Variants in TCERG1L observed in about 807,000 individuals in gnomAD.
The protein encoded by TCERG1L is transcription elongation regulator 1 like, also known as transcription elongation regulator 1-like protein.
Under a neutral mutation model 56.3 loss-of-function variants are expected in TCERG1L, and 37 were observed. The observed-to-expected ratio is 0.66, with a 90% CI of 0.51 to 0.87. The LOEUF (loss-of-function observed/expected upper bound fraction) is 0.87. Ranked by LOEUF, TCERG1L falls within the 40% of genes least tolerant of loss-of-function variation. The pLI is 0.00. For missense variants in TCERG1L, 799 were observed against 774.2 expected (o/e 1.03, Z -0.38); for synonymous variants, 324 against 326.3 (o/e 0.99, Z 0.08).
In TCERG1L at chr10:131,218,861, G is replaced by A. The variant is rs548303681; in HGVS notation, c.856+41398C>T. Among the ~76,000 whole-genome samples the A allele has an allele frequency of 2.8e-3, 426 of 152,210 alleles. 1 individual carries two copies. Among genetic ancestry groups the A allele is most frequent in the Non-Finnish European group, 5.0e-3 (337 of 68,004 alleles). On this transcript the variant is annotated intron_variant, in intron 4 of 11. Transcript: ENST00000368642. ...GGGGCCGTGGTCATGTGGCCTCTGC[G>A]GAGGCCAGCCGTGCCCTGCTGTGAC...
intron 4 of TCERG1L, among the ~76,000 whole-genome samples, chr10:131,210,399 T>C (rs1845603988): frequency 6.6e-6 from 1 of 152,230 alleles, no homozygotes; most frequent in Non-Finnish European, 1.5e-5. Context: ...GCCTCACTTT[T>C]GTCCCTGCTG....
At chr10:131,249,348 T>C (rs1166538140) in intron 4 of TCERG1L, among the ~76,000 whole-genome samples, 1 of 151,846 alleles carries the variant, frequency 6.6e-6, no homozygotes, top group African/African-American at 2.4e-5. Flanking sequence ...GGGGCTTCCA[T>C]GGCCCTGGCA....
At chr10:131,175,749 G>A (rs554750705) in intron 4 of TCERG1L, among the ~76,000 whole-genome samples, 5 of 152,288 alleles carry the variant, frequency 3.3e-5, no homozygotes, top group African/African-American at 1.2e-4. Context: ...GGTACATAGT[G>A]AGCCAAGTAG....
At position 131,285,978 on chromosome 10, in the gene TCERG1L, G is replaced by A. The variant is rs1000570850; in HGVS notation, c.670+22233C>T. ...TGCTCCAAAACAGGACCAGCATGGG[G>A]TACCAGCCATCACTACCACATCACA... On this transcript the variant is annotated intron_variant, in intron 3 of 11. Coordinates refer to ENST00000368642, the MANE Select transcript of TCERG1L (RefSeq NM_174937.4). Among the ~76,000 whole-genome samples the A allele has an allele frequency of 3.3e-5, 5 of 152,146 alleles. No individual in the cohort carries two copies. The East Asian group carries it at 5.8e-4, about 18-fold the overall frequency.
chr10:131,176,485 C>T (rs1331137308), intron 4 of TCERG1L, among the ~76,000 whole-genome samples: 3 of 151,102 alleles, frequency 2.0e-5, no homozygotes, highest in African/African-American at 4.9e-5. Flanking sequence ...GACACGTGTA[C>T]ACACACCAAG....
At chr10:131,098,792 C>G (rs1353293307) in intron 10 of TCERG1L, among the ~76,000 whole-genome samples, 1 of 152,210 alleles carries the variant, frequency 6.6e-6, no homozygotes, top group Non-Finnish European at 1.5e-5. Context: ...TCACTGTGCC[C>G]TCTGAGCAGC....
intron 4 of TCERG1L, among the ~76,000 whole-genome samples, chr10:131,179,103 A>C (rs1845142820): frequency 6.6e-6 from 1 of 152,154 alleles, no homozygotes; most frequent in Non-Finnish European, 1.5e-5. Context: ...TTCTGTGAAC[A>C]CACCTGCCCG....
intron 4 of TCERG1L, among the ~76,000 whole-genome samples, chr10:131,220,199 TGGCTCTCGG>T (rs1845715080): frequency 1.3e-5 from 2 of 152,144 alleles, no homozygotes; most frequent in Admixed American, 6.5e-5. Flanking sequence ...CAACATCCCC[TGGCTCTCGG>T]GCCTATTGCC....
intron 4 of TCERG1L, among the ~76,000 whole-genome samples, chr10:131,168,643 G>T (rs895778085): frequency 2.6e-5 from 4 of 152,190 alleles, no homozygotes; most frequent in Non-Finnish European, 5.9e-5. Context: ...GTGGAGGAAT[G>T]CCCAGCCTGT....
chr10:131,135,453 A>G (rs1034850041), intron 7 of TCERG1L, among the ~76,000 whole-genome samples: 1 of 152,098 alleles, frequency 6.6e-6, no homozygotes, highest in African/African-American at 2.4e-5. Flanking sequence ...GCCTCTGCAC[A>G]TTTTCTTTCT....
intron 11 of TCERG1L, 113 bp from the exon 12 acceptor site, chr10:131,093,431 C>G (rs546313396): frequency 1.5e-6 from 2 of 1,333,754 alleles, no homozygotes; most frequent in Non-Finnish European, 2.1e-6. Flanking sequence ...CAGGCCTGGC[C>G]GTGGGTGGCA....
At chr10:131,121,658 C>T (rs1845514412) in intron 8 of TCERG1L, among the ~76,000 whole-genome samples, 4 of 152,248 alleles carry the variant, frequency 2.6e-5, no homozygotes, top group African/African-American at 9.6e-5. Context: ...GCTCCACACA[C>T]CCGTGCTCAT....
intron 4 of TCERG1L, among the ~76,000 whole-genome samples, chr10:131,177,664 G>A (rs945626751): frequency 1.3e-5 from 2 of 152,120 alleles, no homozygotes; most frequent in African/African-American, 4.8e-5. Flanking sequence ...CGTGTGTGCT[G>A]GGACCCCCAT....
At chr10:131,276,550 G>T (rs898105136) in intron 3 of TCERG1L, among the ~76,000 whole-genome samples, 1 of 152,184 alleles carries the variant, frequency 6.6e-6, no homozygotes, top group African/African-American at 2.4e-5. Flanking sequence ...CAGAGCACAG[G>T]AAATTATTCT....
At chr10:131,237,979 G>A (rs953362874) in intron 4 of TCERG1L, among the ~76,000 whole-genome samples, 2 of 152,164 alleles carry the variant, frequency 1.3e-5, no homozygotes, top group Non-Finnish European at 2.9e-5. Context: ...CCCTAATGTG[G>A]AGCATCCCTA....
intron 3 of TCERG1L, among the ~76,000 whole-genome samples, chr10:131,272,070 A>C (rs1460474496): frequency 1.3e-5 from 2 of 152,170 alleles, no homozygotes; most frequent in Non-Finnish European, 2.9e-5. Flanking sequence ...CAGCAGGCAC[A>C]CGGGGCTCTG....
At chr10:131,149,267 C>T (rs1845837564) in intron 6 of TCERG1L, among the ~76,000 whole-genome samples, 1 of 152,230 alleles carries the variant, frequency 6.6e-6, no homozygotes, top group South Asian at 2.1e-4. Flanking sequence ...CTGCCCAGGC[C>T]CATGCTGGAG....
At chr10:131,173,760 C>G (rs779633099) in intron 4 of TCERG1L, among the ~76,000 whole-genome samples, 1 of 152,242 alleles carries the variant, frequency 6.6e-6, no homozygotes, top group African/African-American at 2.4e-5. Flanking sequence ...CAGAGAGGCA[C>G]GGCCTGGAGG....
chr10:131,178,689 A>G (rs1439904904), intron 4 of TCERG1L, among the ~76,000 whole-genome samples: 1 of 152,036 alleles, frequency 6.6e-6, no homozygotes, highest in Non-Finnish European at 1.5e-5. Context: ...GCAAGCACTA[A>G]GTTCAGGGCC....
Sources: gnomAD v4.1 joint callset for allele counts (sites outside exome capture counted in the v4.1 genomes callset) on GRCh38, gnomAD v4.1.1 for gene constraint, MANE v1.5 for transcripts, NCBI Gene and HGNC (gene_info 2026-07-23, HGNC 2026-07-21) for gene names.